NPAS3: variants seen among roughly 807,000 people sequenced by gnomAD.
The protein encoded by NPAS3 is neuronal PAS domain protein 3, also known as neuronal PAS domain-containing protein 3.
In NPAS3, 14 loss-of-function variants were observed where a neutral mutation model predicts 73.1. The observed-to-expected ratio is 0.19, with a 90% CI of 0.13 to 0.30. The LOEUF is 0.30. NPAS3 is among the 10% of genes least tolerant of loss of function. The probability of loss-of-function intolerance (pLI) is 1.00; values close to 1 mark genes in which losing one functional copy is unlikely to be tolerated. For synonymous variants in NPAS3, 620 were observed against 541.5 expected, an observed-to-expected ratio of 1.14 and a Z score of -2.01; for missense variants, 1,096 against 1,250.0, an observed-to-expected ratio of 0.88 and a Z score of 1.86.
intron 5 of NPAS3, among the ~76,000 whole-genome samples, chr14:33,570,995 G>C (rs1374808259): frequency 6.6e-6 from 1 of 152,196 alleles, no homozygotes; most frequent in African/African-American, 2.4e-5. Flanking sequence ...ACTGAGGAGA[G>C]AGAGTGCCAA....
At chr14:33,099,028 C>T (rs1223368311) in intron 2 of NPAS3, among the ~76,000 whole-genome samples, 2 of 152,206 alleles carry the variant, frequency 1.3e-5, no homozygotes, top group African/African-American at 4.8e-5. Context: ...AGAGAAAGAA[C>T]CTTGCGGCCT....
chr14:33,557,880 A>G (rs1001697406), intron 4 of NPAS3, among the ~76,000 whole-genome samples: 2 of 152,180 alleles, frequency 1.3e-5, no homozygotes, highest in Non-Finnish European at 2.9e-5. Context: ...GAGGCAGGAG[A>G]ATGGTGTGAA....
At chr14:33,552,520 A>G (rs2055165315) in intron 4 of NPAS3, among the ~76,000 whole-genome samples, 1 of 152,212 alleles carries the variant, frequency 6.6e-6, no homozygotes, top group Non-Finnish European at 1.5e-5. Flanking sequence ...TCCGATAACA[A>G]TAAATGCAAT....
chr14:33,056,612 G>A (rs1354039016), intron 2 of NPAS3, among the ~76,000 whole-genome samples: 1 of 152,178 alleles, frequency 6.6e-6, no homozygotes, highest in Admixed American at 6.5e-5. Flanking sequence ...GTAACGAGGT[G>A]TTGTTACTAT....
chr14:33,299,084 C>A (rs1403417443), intron 3 of NPAS3, among the ~76,000 whole-genome samples: 2 of 152,128 alleles, frequency 1.3e-5, no homozygotes, highest in African/African-American at 4.8e-5. Flanking sequence ...GCCTTTAAGG[C>A]CCCAAATAGA....
At chr14:33,364,264 G>A (rs749715909) in intron 3 of NPAS3, among the ~76,000 whole-genome samples, 12 of 152,068 alleles carry the variant, frequency 7.9e-5, no homozygotes, top group Non-Finnish European at 1.6e-4. Flanking sequence ...AGATTAACAC[G>A]GAGAAACAAA....
At chr14:33,051,462 T>C (rs1333081244) in intron 1 of NPAS3, among the ~76,000 whole-genome samples, 9 of 152,156 alleles carry the variant, frequency 5.9e-5, no homozygotes, top group Non-Finnish European at 5.9e-5. Flanking sequence ...CTTTCTATTT[T>C]GAACACACCA....
intron 4 of NPAS3, among the ~76,000 whole-genome samples, chr14:33,512,508 T>C (rs1181360644): frequency 6.6e-6 from 1 of 152,106 alleles, no homozygotes; most frequent in African/African-American, 2.4e-5. Context: ...TCAAATGTTA[T>C]AACAAATGGT....
At chr14:33,674,766 C>T (rs917789281) in intron 5 of NPAS3, among the ~76,000 whole-genome samples, 1 of 152,128 alleles carries the variant, frequency 6.6e-6, no homozygotes, top group African/African-American at 2.4e-5. Flanking sequence ...AGCTATTAAC[C>T]AAACTGAATT....
intron 1 of NPAS3, among the ~76,000 whole-genome samples, chr14:33,003,998 T>A (rs1448600159): frequency 6.6e-6 from 1 of 152,190 alleles, no homozygotes; most frequent in African/African-American, 2.4e-5. Context: ...TAGCACCTAT[T>A]AACATGTGAC....
At chr14:33,431,269 A>G (rs2048772814) in intron 4 of NPAS3, among the ~76,000 whole-genome samples, 1 of 152,178 alleles carries the variant, frequency 6.6e-6, no homozygotes, top group South Asian at 2.1e-4. Flanking sequence ...CTCACTAGTT[A>G]AATACATGTA....
chr14:33,751,445 C>G (rs1027495960), intron 7 of NPAS3, among the ~76,000 whole-genome samples: 1 of 152,040 alleles, frequency 6.6e-6, no homozygotes, highest in East Asian at 1.9e-4. Context: ...GATCCTAGAA[C>G]CAGTAACTCA....
At chr14:33,386,000 A>G (rs1231714588) in intron 4 of NPAS3, among the ~76,000 whole-genome samples, 7 of 152,116 alleles carry the variant, frequency 4.6e-5, no homozygotes, top group African/African-American at 1.7e-4. Flanking sequence ...TGTAGGAAGG[A>G]AGTTGTAGTG....
chr14:33,003,588 A>G (rs1393350744), intron 1 of NPAS3, among the ~76,000 whole-genome samples: 4 of 152,226 alleles, frequency 2.6e-5, no homozygotes, highest in East Asian at 1.9e-4. Context: ...AGAAAGGACT[A>G]TAACACCATC....
chr14:33,706,488 C>G (rs1459502001), intron 6 of NPAS3, among the ~76,000 whole-genome samples: 1 of 152,176 alleles, frequency 6.6e-6, no homozygotes, highest in East Asian at 1.9e-4. Context: ...CCCCATAGAT[C>G]TGGCTGTTTC....
At chr14:33,376,807 A>C (rs2046334371) in intron 4 of NPAS3, among the ~76,000 whole-genome samples, 1 of 152,212 alleles carries the variant, frequency 6.6e-6, no homozygotes, top group South Asian at 2.1e-4. Context: ...AAAATGGAGA[A>C]AATAGTAGTG....
chr14:33,544,552 C>T (rs2054691457), intron 4 of NPAS3, among the ~76,000 whole-genome samples: 1 of 151,410 alleles, frequency 6.6e-6, no homozygotes, highest in Admixed American at 6.6e-5. Flanking sequence ...GCACACACAT[C>T]AAGGAAAGGC....
chr14:33,486,605 A>G (rs956532918), intron 4 of NPAS3, among the ~76,000 whole-genome samples: 3 of 152,126 alleles, frequency 2.0e-5, no homozygotes, highest in South Asian at 2.1e-4. Flanking sequence ...TTCAGTTGAG[A>G]AGAAGCTCTC....
chr14:33,300,956 C>G (rs2042505407), intron 3 of NPAS3, among the ~76,000 whole-genome samples: 1 of 152,094 alleles, frequency 6.6e-6, no homozygotes, highest in Non-Finnish European at 1.5e-5. Flanking sequence ...AAGGTGGACT[C>G]CCAGCCTCTA....
Sources: gnomAD v4.1 joint callset for allele counts (sites outside exome capture counted in the v4.1 genomes callset) on GRCh38, gnomAD v4.1.1 for gene constraint, MANE v1.5 for transcripts, NCBI Gene and HGNC (gene_info 2026-07-23, HGNC 2026-07-21) for gene names.